Variants in TRHDE observed in about 807,000 individuals in gnomAD.
TRHDE encodes thyrotropin-releasing hormone-degrading ectoenzyme.
In TRHDE, 72 loss-of-function variants were observed where a neutral mutation model predicts 125.7. The observed-to-expected ratio is 0.57, with a 90% CI of 0.47 to 0.70. The LOEUF (loss-of-function observed/expected upper bound fraction) is 0.70, where lower values mean the gene tolerates loss of function less well. Ranked by LOEUF, TRHDE falls within the 30% of genes least tolerant of loss-of-function variation. The pLI is 0.00. For missense variants in TRHDE, 1,110 were observed against 1,327.1 expected (o/e 0.84, Z 2.54); for synonymous variants, 509 against 509.1 (o/e 1.00, Z 0.00).
chr12:72,245,107 A>C (rs984033829), intron 2 of TRHDE, among the ~76,000 whole-genome samples: 14 of 152,138 alleles, frequency 9.2e-5, no homozygotes, highest in African/African-American at 3.4e-4. Flanking sequence ...ATTCAATATA[A>C]ATTTCTCTTG....
chr12:72,141,054 T>G (rs1876100325), intron 2 of TRHDE, among the ~76,000 whole-genome samples: 1 of 151,930 alleles, frequency 6.6e-6, no homozygotes, highest in Non-Finnish European at 1.5e-5. Context: ...AAGCAAAAAA[T>G]GATTTTTAAA....
intron 3 of TRHDE, among the ~76,000 whole-genome samples, chr12:72,424,669 A>G (rs1303707353): frequency 1.3e-5 from 2 of 152,050 alleles, no homozygotes; most frequent in Non-Finnish European, 2.9e-5. Context: ...AATTCCATCT[A>G]TTCTCCCAGT....
At chr12:72,369,009 G>C (rs866295302) in intron 2 of TRHDE, among the ~76,000 whole-genome samples, 9 of 152,162 alleles carry the variant, frequency 5.9e-5, no homozygotes, top group Non-Finnish European at 1.3e-4. Flanking sequence ...TGTCAGGATA[G>C]CTGAAACTTT....
At chr12:72,609,423 A>T (rs887694191) in intron 12 of TRHDE, among the ~76,000 whole-genome samples, 2 of 152,134 alleles carry the variant, frequency 1.3e-5, no homozygotes, top group Non-Finnish European at 2.9e-5. Flanking sequence ...TTTTTTGAGT[A>T]CTGATTTTAT....
At chr12:72,247,153 A>G (rs879516837) in intron 2 of TRHDE, among the ~76,000 whole-genome samples, 1 of 152,210 alleles carries the variant, frequency 6.6e-6, no homozygotes, top group African/African-American at 2.4e-5. Context: ...TGTCATGTAT[A>G]TTAAAGCACA....
chr12:72,441,770 A>G (rs1364446059), intron 3 of TRHDE, among the ~76,000 whole-genome samples: 4 of 151,906 alleles, frequency 2.6e-5, no homozygotes, highest in Admixed American at 6.6e-5. Flanking sequence ...TCAAAATCCA[A>G]AGATAAACAA....
chr12:72,562,061 A>G, intron 7 of TRHDE, 104 bp from the exon 8 acceptor site: 1 of 539,212 alleles, frequency 1.9e-6, no homozygotes, highest in Non-Finnish European at 3.4e-6. Context: ...GTCCTTTTTT[A>G]TTAATATAAT....
chr12:72,288,428 T>C (rs772155332), intron 2 of TRHDE, among the ~76,000 whole-genome samples: 7 of 152,166 alleles, frequency 4.6e-5, no homozygotes, highest in Non-Finnish European at 8.8e-5. Context: ...ATTAAAATCA[T>C]GTTTTAAATG....
chr12:72,287,060 T>C (rs1444570617), intron 2 of TRHDE, 106 bp downstream of exon 2: 18 of 1,183,900 alleles, frequency 1.5e-5, no homozygotes, highest in African/African-American at 3.1e-5. Flanking sequence ...ACACCTTATA[T>C]AGTGGAATTC....
intron 2 of TRHDE, among the ~76,000 whole-genome samples, chr12:72,127,538 C>T (rs1386062711): frequency 6.6e-6 from 1 of 152,152 alleles, no homozygotes; most frequent in Non-Finnish European, 1.5e-5. Context: ...TTTGCAGCAA[C>T]ATGGATTCAG....
intron 2 of TRHDE, among the ~76,000 whole-genome samples, chr12:72,161,085 C>T (rs563039416): frequency 1.4e-4 from 22 of 152,284 alleles, no homozygotes; most frequent in African/African-American, 5.3e-4. Context: ...ACCTGCTCCT[C>T]TTAGTTGCTG....
At chr12:72,225,560 C>T (rs921348939) in intron 2 of TRHDE, among the ~76,000 whole-genome samples, 5 of 152,002 alleles carry the variant, frequency 3.3e-5, no homozygotes, top group African/African-American at 9.7e-5. Context: ...GCTTTTCATC[C>T]CAGTTTGGAA....
At chr12:72,295,524 A>G (rs1241306192) in intron 2 of TRHDE, among the ~76,000 whole-genome samples, 1 of 152,196 alleles carries the variant, frequency 6.6e-6, no homozygotes, top group Non-Finnish European at 1.5e-5. Flanking sequence ...ATACTGTTTA[A>G]TTTTATTGTG....
chr12:72,220,040 T>G (rs1342684886), intron 2 of TRHDE, among the ~76,000 whole-genome samples: 1 of 152,140 alleles, frequency 6.6e-6, no homozygotes, highest in Non-Finnish European at 1.5e-5. Flanking sequence ...AAAAGTGGGA[T>G]GTGAAAAGGC....
intron 2 of TRHDE, among the ~76,000 whole-genome samples, chr12:72,210,602 A>T (rs574973141): frequency 1.2e-4 from 18 of 152,330 alleles, no homozygotes; most frequent in African/African-American, 4.1e-4. Context: ...TTAACTTTTT[A>T]ATTAATGAGA....
chr12:72,469,734 G>A (rs764326662), intron 3 of TRHDE, 24 bp from the exon 4 acceptor site: 14 of 1,610,448 alleles, frequency 8.7e-6, no homozygotes, highest in Non-Finnish European at 1.2e-5. Flanking sequence ...TAAAGCCTTT[G>A]GAACTGTTTT....
chr12:72,475,377 C>G (rs1876843868), intron 5 of TRHDE, among the ~76,000 whole-genome samples: 1 of 152,010 alleles, frequency 6.6e-6, no homozygotes, highest in Non-Finnish European at 1.5e-5. Context: ...CTTTTTTTAG[C>G]TCATTCAGAT....
chr12:72,266,958 A>G (rs1366772212), intron 2 of TRHDE, among the ~76,000 whole-genome samples: 1 of 152,126 alleles, frequency 6.6e-6, no homozygotes, highest in Non-Finnish European at 1.5e-5. Context: ...AATACTTGGT[A>G]CAAGTTAAGC....
At chr12:72,244,626 A>T (rs1878541159) in intron 2 of TRHDE, among the ~76,000 whole-genome samples, 1 of 152,078 alleles carries the variant, frequency 6.6e-6, no homozygotes, top group Non-Finnish European at 1.5e-5. Context: ...GCCATAATTA[A>T]TGTCCCCATA....
Sources: gnomAD v4.1 joint callset for allele counts (sites outside exome capture counted in the v4.1 genomes callset) on GRCh38, gnomAD v4.1.1 for gene constraint, MANE v1.5 for transcripts, NCBI Gene and HGNC (gene_info 2026-07-23, HGNC 2026-07-21) for gene names.